Variants in NEGR1 observed in about 807,000 individuals in gnomAD.
NEGR1 encodes IgLON family member 4.
Under a neutral mutation model 40.9 loss-of-function variants are expected in NEGR1, and 10 were observed. That is an observed-to-expected ratio of 0.24 (90% CI 0.15 to 0.42). NEGR1 has a LOEUF of 0.42. NEGR1 is among the 10% of genes least tolerant of loss of function. The pLI, the probability that NEGR1 is intolerant of heterozygous loss-of-function variation, is 1.00. For synonymous variants in NEGR1, 185 were observed against 166.8 expected, an observed-to-expected ratio of 1.11 and a Z score of -0.84; for missense variants, 352 against 438.9, an observed-to-expected ratio of 0.80 and a Z score of 1.77.
rs80129223 is a variant in NEGR1 at position 71,512,859 on chromosome 1, C to T, written c.940+79958G>A. On this transcript the variant is annotated intron_variant, in intron 6 of 6. Transcript: ENST00000357731. ...CCTCCCAAAGTGCTGGGATTACAGGCGTGAGCCACCACGCCTGGCCATACT... is the reference window on the plus strand; with the variant it reads ...CCTCCCAAAGTGCTGGGATTACAGGTGTGAGCCACCACGCCTGGCCATACT... 1.6e-3 allele frequency among the ~76,000 whole-genome samples: 239 copies of T among 151,658 alleles called. 8 individuals are homozygous for T. In the East Asian group the frequency reaches 0.036, roughly 23 times the overall value.
At chr1:71,638,371 C>T (rs967218263) in intron 4 of NEGR1, among the ~76,000 whole-genome samples, 1 of 151,898 alleles carries the variant, frequency 6.6e-6, no homozygotes, top group African/African-American at 2.4e-5. Flanking sequence ...CTTCATAAGC[C>T]TGTTTATTAT....
chr1:72,175,582 A>G (rs1179953708), intron 1 of NEGR1, among the ~76,000 whole-genome samples: 2 of 152,144 alleles, frequency 1.3e-5, no homozygotes, highest in African/African-American at 4.8e-5. Context: ...GGTGTCTAGG[A>G]AACAGTTCCA....
intron 1 of NEGR1, among the ~76,000 whole-genome samples, chr1:72,043,228 C>T (rs1020857547): frequency 7.9e-5 from 12 of 151,826 alleles, no homozygotes; most frequent in African/African-American, 1.5e-4. Flanking sequence ...CTTCTTCTCA[C>T]GGAATTAGTA....
intron 1 of NEGR1, among the ~76,000 whole-genome samples, chr1:72,205,538 T>C (rs1653362145): frequency 7.0e-6 from 1 of 142,406 alleles, no homozygotes; most frequent in Admixed American, 6.9e-5. Flanking sequence ...CCACTCACAA[T>C]GCCTTGCTAC....
chr1:71,807,827 C>G, intron 2 of NEGR1, among the ~76,000 whole-genome samples: 1 of 151,984 alleles, frequency 6.6e-6, no homozygotes, highest in East Asian at 1.9e-4. Flanking sequence ...GTATCATCAC[C>G]AAAAAAGCTC....
chr1:71,429,246 C>G (rs1646449724), intron 6 of NEGR1, among the ~76,000 whole-genome samples: 1 of 151,908 alleles, frequency 6.6e-6, no homozygotes, highest in South Asian at 2.1e-4. Flanking sequence ...AACAAACTAG[C>G]ATGTAGTATT....
chr1:71,954,306 TAAATG>T (rs1557453185), intron 1 of NEGR1, among the ~76,000 whole-genome samples: 1 of 151,956 alleles, frequency 6.6e-6, no homozygotes, highest in Non-Finnish European at 1.5e-5. Context: ...CGCTTGGAGG[TAAATG>T]ATAGATGATT....
intron 3 of NEGR1, among the ~76,000 whole-genome samples, chr1:71,704,252 A>C (rs1163581817): frequency 1.3e-5 from 2 of 151,908 alleles, no homozygotes; most frequent in East Asian, 1.9e-4. Flanking sequence ...TTGGAAAAGA[A>C]AGAACAAATA....
chr1:71,535,334 A>G (rs1647479874), intron 6 of NEGR1, among the ~76,000 whole-genome samples: 1 of 151,696 alleles, frequency 6.6e-6, no homozygotes, highest in African/African-American at 2.4e-5. Flanking sequence ...TACAACTACA[A>G]CTTCATCTCA....
At chr1:72,186,220 T>C (rs1253254190) in intron 1 of NEGR1, among the ~76,000 whole-genome samples, 1 of 151,792 alleles carries the variant, frequency 6.6e-6, no homozygotes. Context: ...CCCAGTCAGC[T>C]GAAATTTAAC....
At position 71,795,632 on chromosome 1, in the gene NEGR1, A is replaced by T. The variant is rs116521284; in HGVS notation, c.410-19335T>A. 7.0e-3 allele frequency among the ~76,000 whole-genome samples: 1,065 copies of T among 152,274 alleles called. 14 individuals carry two copies. The highest frequency in any genetic ancestry group is 0.025 in the African/African-American group (1,023 of 41,564). ...AAAGCAAAAATCTGAACAAATCCCA[A>T]TTGACCGTGTGTTTATAAAATGTTA... On this transcript the variant is annotated intron_variant, in intron 2 of 6. Transcript: ENST00000357731.
chr1:71,667,253 A>T (rs1340614530), intron 4 of NEGR1, among the ~76,000 whole-genome samples: 1 of 152,216 alleles, frequency 6.6e-6, no homozygotes, highest in African/African-American at 2.4e-5. Context: ...TCAGTTGAAA[A>T]GTAAATTCTG....
chr1:72,014,946 G>GT (rs1228573954), intron 1 of NEGR1, among the ~76,000 whole-genome samples: 2 of 152,004 alleles, frequency 1.3e-5, no homozygotes, highest in Non-Finnish European at 2.9e-5. Flanking sequence ...ATGCACCAAG[G>GT]TTCAGGCATT....
intron 1 of NEGR1, among the ~76,000 whole-genome samples, chr1:71,987,782 AT>A (rs11290828): frequency 0.53 from 81,230 of 151,880 alleles, 23,162 homozygotes; most frequent in African/African-American, 0.72. Context: ...AAATCAAAGG[AT>A]TTTTTTATAA....
intron 6 of NEGR1, among the ~76,000 whole-genome samples, chr1:71,534,916 T>C (rs891979294): frequency 5.9e-5 from 9 of 151,622 alleles, no homozygotes; most frequent in Admixed American, 1.3e-4. Flanking sequence ...TAAAAAATTA[T>C]ATCAGAGAAA....
intron 2 of NEGR1, among the ~76,000 whole-genome samples, chr1:71,822,044 G>C (rs1658448064): frequency 6.6e-6 from 1 of 151,834 alleles, no homozygotes; most frequent in Non-Finnish European, 1.5e-5. Context: ...GTGAGTGTGA[G>C]CCAAAAATGG....
In NEGR1 at chr1:71,619,934, TC is replaced by T. The variant is rs1461442239; in HGVS notation, c.668-8789del. ...CAATAGCTACCAAAGATCTTCTTTC[TC>T]TCATGCCATCCTCAATGGGAGCTTT... On this transcript the variant is annotated intron_variant, in intron 4 of 6. Transcript: ENST00000357731. Among the ~76,000 whole-genome samples, 4 of 152,230 alleles carry T rather than the reference TC, an allele frequency of 2.6e-5. No individual in the cohort carries two copies. In the Middle Eastern group the frequency reaches 0.014, roughly 518 times the overall value.
intron 6 of NEGR1, among the ~76,000 whole-genome samples, chr1:71,524,972 C>A (rs1647199277): frequency 6.6e-6 from 1 of 151,758 alleles, no homozygotes; most frequent in South Asian, 2.1e-4. Context: ...GAAAAGCACA[C>A]AGCCCTGCTG....
chr1:72,062,043 T>C (rs1384964944), intron 1 of NEGR1, among the ~76,000 whole-genome samples: 1 of 151,894 alleles, frequency 6.6e-6, no homozygotes, highest in Non-Finnish European at 1.5e-5. Flanking sequence ...TAGCCAGCAC[T>C]TTATTGCATC....
Sources: gnomAD v4.1 joint callset for allele counts (sites outside exome capture counted in the v4.1 genomes callset) on GRCh38, gnomAD v4.1.1 for gene constraint, MANE v1.5 for transcripts, NCBI Gene and HGNC (gene_info 2026-07-23, HGNC 2026-07-21) for gene names.